The following FLT3 variants were observed in gnomAD, a reference collection of about 807,000 sequenced individuals.
FLT3 encodes the protein receptor-type tyrosine-protein kinase FLT3.
In FLT3, 46 loss-of-function variants were observed where a neutral mutation model predicts 126.6. The ratio of observed to expected loss-of-function variants is 0.36; its 90% CI spans 0.29 to 0.46. FLT3 has a LOEUF of 0.46. Among genes scored for constraint, FLT3 ranks in the 20% least tolerant of loss-of-function variants. FLT3 has a pLI of 1.00. For synonymous variants in FLT3, 404 were observed against 434.4 expected, an observed-to-expected ratio of 0.93 and a Z score of 0.87; for missense variants, 1,069 against 1,190.3, an observed-to-expected ratio of 0.90 and a Z score of 1.50.
chr13:28,008,589 C>T (rs1369680882), intron 23 of FLT3, among the ~76,000 whole-genome samples: 2 of 152,168 alleles, frequency 1.3e-5, no homozygotes, highest in Non-Finnish European at 2.9e-5. Flanking sequence ...AAGCACTTCT[C>T]GTGCCTCAGC....
intron 4 of FLT3, among the ~76,000 whole-genome samples, chr13:28,052,891 A>G (rs929832475): frequency 3.9e-5 from 6 of 152,106 alleles, no homozygotes; most frequent in African/African-American, 1.4e-4. Context: ...CTCTTGGCCA[A>G]TTTCTTTGGG....
chr13:28,091,714 C>T (rs940713338), intron 1 of FLT3, among the ~76,000 whole-genome samples: 1 of 152,062 alleles, frequency 6.6e-6, no homozygotes, highest in Non-Finnish European at 1.5e-5. Flanking sequence ...GTGGGAGGGT[C>T]GCTTGAACTC....
chr13:28,037,649 G>A (rs1873962449), intron 9 of FLT3, among the ~76,000 whole-genome samples: 1 of 152,272 alleles, frequency 6.6e-6, no homozygotes, highest in African/African-American at 2.4e-5. Context: ...TGCCCCTCTT[G>A]CTCTGGATAG....
intron 1 of FLT3, among the ~76,000 whole-genome samples, chr13:28,083,379 T>G (rs1878454927): frequency 6.6e-6 from 1 of 152,186 alleles, no homozygotes; most frequent in Non-Finnish European, 1.5e-5. Context: ...TTTTTATATA[T>G]CATTGAATTC....
At chr13:28,038,791 T>G (rs1406348610) in intron 9 of FLT3, among the ~76,000 whole-genome samples, 1 of 152,058 alleles carries the variant, frequency 6.6e-6, no homozygotes, top group Non-Finnish European at 1.5e-5. Flanking sequence ...AGACCCTGCC[T>G]GGCAGGTTAG....
At chr13:28,098,134 G>A (rs1879583324) in intron 1 of FLT3, among the ~76,000 whole-genome samples, 1 of 151,944 alleles carries the variant, frequency 6.6e-6, no homozygotes, top group Non-Finnish European at 1.5e-5. Flanking sequence ...GGCCAACATG[G>A]TGAAACCTCG....
intron 4 of FLT3, among the ~76,000 whole-genome samples, chr13:28,054,265 A>G (rs1875807251): frequency 6.6e-6 from 1 of 152,196 alleles, no homozygotes; most frequent in South Asian, 2.1e-4. Flanking sequence ...TCAGCAATCC[A>G]GCAAGTATAA....
chr13:28,016,925 G>T (rs1369027159), intron 20 of FLT3, among the ~76,000 whole-genome samples: 1 of 152,138 alleles, frequency 6.6e-6, no homozygotes, highest in Non-Finnish European at 1.5e-5. Context: ...CCTGGACAAG[G>T]TGCTTTCACG....
chr13:28,100,403 G>A lies in FLT3; in HGVS notation c.43+65C>T. Reference sequence around the variant, plus strand: ...TGGGCCGGAGGAGGCGCGCGCCCGGGTCCACACTGCGGGGTGGGGGCTGAG... The same window carrying A: ...TGGGCCGGAGGAGGCGCGCGCCCGGATCCACACTGCGGGGTGGGGGCTGAG... On this transcript the variant is annotated intron_variant, in intron 1 of 23. Coordinates refer to ENST00000241453, the MANE Select transcript of FLT3 (RefSeq NM_004119.3). This position sits in a 1 kb window ranked among gnomAD's most constrained non-coding sequence, Gnocchi z 4.8. 2 of 1,130,804 alleles carry A rather than the reference G, an allele frequency of 1.8e-6. No individual in the cohort carries two copies. Among genetic ancestry groups the A allele is most frequent in the Non-Finnish European group, 2.2e-6 (2 of 900,236 alleles). 70.0% of individuals were successfully genotyped at this position (1,130,804 alleles called of 1,614,324 possible). A position where few individuals can be genotyped will look rare whatever the true frequency, so the allele number is the denominator to read the frequency against.
At chr13:28,019,810 A>G (rs1361123693) in intron 19 of FLT3, among the ~76,000 whole-genome samples, 1 of 151,968 alleles carries the variant, frequency 6.6e-6, no homozygotes, top group Non-Finnish European at 1.5e-5. Flanking sequence ...AACCCTGCGC[A>G]TGGTTCACTC....
In FLT3 at chr13:28,057,418, G is replaced by T; in HGVS notation, c.413C>A (p.Ala138Asp). The part of the protein sequence containing the change: ...MVILKMTETQ[A>D]GEYLLFIQSE... Reference sequence around the variant, plus strand: ...CTGAATAAAAAGTAGGTATTCTCCAGCTTGGGTTTCTGTCATTTTCAAAAT... The same window carrying T: ...CTGAATAAAAAGTAGGTATTCTCCATCTTGGGTTTCTGTCATTTTCAAAAT... The change falls in exon 4 of 24, where the codon GCT becomes GAT. Residue 138 changes from alanine to aspartate, a missense_variant. Ala to Asp is a moderately radical substitution (Grantham distance 126). Transcript: ENST00000241453. 4.4e-6 allele frequency: 7 copies of T among 1,586,148 alleles called. No homozygotes were observed. The highest frequency in any genetic ancestry group is 6.1e-6 in the Non-Finnish European group (7 of 1,154,528).
intron 10 of FLT3, among the ~76,000 whole-genome samples, chr13:28,036,814 C>T (rs563545531): frequency 2.0e-5 from 3 of 152,180 alleles, no homozygotes; most frequent in South Asian, 2.1e-4. Context: ...CCCCTCTCTA[C>T]AAAAATGGTT....
chr13:28,020,997 T>G (rs539124320), intron 19 of FLT3, among the ~76,000 whole-genome samples: 2 of 152,146 alleles, frequency 1.3e-5, no homozygotes, highest in South Asian at 4.1e-4. Context: ...GGGGAAGCAG[T>G]GCCCCTTGAC....
chr13:28,010,781 C>T (rs1593208619), intron 23 of FLT3, among the ~76,000 whole-genome samples: 3 of 152,084 alleles, frequency 2.0e-5, no homozygotes, highest in South Asian at 2.1e-4. Context: ...CCGAGGCAGG[C>T]GAATCGCTTG....
At chr13:28,052,106 T>C (rs1373396183) in intron 5 of FLT3, among the ~76,000 whole-genome samples, 1 of 151,766 alleles carries the variant, frequency 6.6e-6, no homozygotes, top group Admixed American at 6.6e-5. Flanking sequence ...TATTTATTTA[T>C]TTTTTGAGAC....
chr13:28,060,749 C>T (rs1172433843), intron 3 of FLT3, among the ~76,000 whole-genome samples: 1 of 151,928 alleles, frequency 6.6e-6, no homozygotes, highest in African/African-American at 2.4e-5. Context: ...TGATTACAGG[C>T]CCGCACCACT....
chr13:28,078,960 C>T (rs1878144403), intron 1 of FLT3, among the ~76,000 whole-genome samples: 1 of 152,204 alleles, frequency 6.6e-6, no homozygotes. Flanking sequence ...GATCCCCCCG[C>T]CTTGGCCTCC....
chr13:28,078,719 T>C (rs1593295439), intron 1 of FLT3, among the ~76,000 whole-genome samples: 1 of 66,078 alleles, frequency 1.5e-5, no homozygotes. Context: ...TCTTTTCTTT[T>C]TTTTTTTTTT....
chr13:28,031,918 G>A (rs952643575), intron 15 of FLT3, among the ~76,000 whole-genome samples: 74 of 152,172 alleles, frequency 4.9e-4, no homozygotes, highest in African/African-American at 1.7e-3. Context: ...GCCAAAGGGA[G>A]GCAAGAGTGG....
Sources: allele counts gnomAD v4.1 joint callset (sites outside exome capture counted in the v4.1 genomes callset), GRCh38; gene constraint gnomAD v4.1.1; non-coding constraint Gnocchi (gnomAD v3.1); transcripts MANE v1.5; gene names NCBI Gene and HGNC (gene_info 2026-07-23, HGNC 2026-07-21).